EZH2: variants seen among roughly 807,000 people sequenced by gnomAD.
EZH2 encodes histone-lysine N-methyltransferase EZH2.
EZH2 carries 18 observed loss-of-function variants against 98.4 expected under a neutral mutation model. The ratio of observed to expected loss-of-function variants is 0.18; its 90% confidence interval spans 0.13 to 0.27. The LOEUF (loss-of-function observed/expected upper bound fraction) is 0.27, where lower values mean the gene tolerates loss of function less well. Among genes scored for constraint, EZH2 ranks in the 10% least tolerant of loss-of-function variants. EZH2 has a pLI of 1.00. For missense variants in EZH2, 470 were observed against 935.1 expected (o/e 0.50, Z 6.49); for synonymous variants, 338 against 312.3 (o/e 1.08, Z -0.87).
intron 1 of EZH2, among the ~76,000 whole-genome samples, chr7:148,873,038 C>A (rs1422600500): frequency 1.3e-5 from 2 of 152,062 alleles, no homozygotes; most frequent in African/African-American, 4.8e-5. Context: ...AAAAAATTAG[C>A]CAGACATCGT....
intron 19 of EZH2, 24 bp from the exon 20 acceptor site, chr7:148,807,730 C>T (rs1180572293): frequency 6.4e-7 from 1 of 1,559,372 alleles, no homozygotes; most frequent in Non-Finnish European, 8.7e-7. Flanking sequence ...AAGGAGATGT[C>T]CGCTGGATGG....
intron 16 of EZH2, among the ~76,000 whole-genome samples, chr7:148,810,740 G>A (rs780903933): frequency 3.9e-5 from 6 of 152,108 alleles, no homozygotes; most frequent in East Asian, 3.9e-4. Flanking sequence ...AGGCCGAGGC[G>A]GGCAGATCAC....
At chr7:148,828,063 A>C (rs1357553280) in intron 6 of EZH2, among the ~76,000 whole-genome samples, 1 of 152,260 alleles carries the variant, frequency 6.6e-6, no homozygotes, top group African/African-American at 2.4e-5. Flanking sequence ...GCTTGCAGTA[A>C]GCTGAGATGG....
At chr7:148,858,067 C>G (rs1373573121) in intron 1 of EZH2, among the ~76,000 whole-genome samples, 1 of 151,338 alleles carries the variant, frequency 6.6e-6, no homozygotes, top group Non-Finnish European at 1.5e-5. Flanking sequence ...CCAAGGCAGG[C>G]AGATCACGAG....
chr7:148,848,768 G>C (rs1814877473), intron 1 of EZH2, among the ~76,000 whole-genome samples: 1 of 152,132 alleles, frequency 6.6e-6, no homozygotes, highest in Non-Finnish European at 1.5e-5. Flanking sequence ...CTAAGACAAA[G>C]GGAAAAATAT....
intron 12 of EZH2, 74 bp from the exon 13 acceptor site, chr7:148,815,620 GATCT>G: frequency 7.7e-7 from 1 of 1,293,204 alleles, no homozygotes; most frequent in South Asian, 1.2e-5. Context: ...TGCTTAACTG[GATCT>G]ATCTGTGCCA....
intron 9 of EZH2, among the ~76,000 whole-genome samples, chr7:148,818,578 A>C (rs1805197481): frequency 6.6e-6 from 1 of 152,190 alleles, no homozygotes; most frequent in Non-Finnish European, 1.5e-5. Context: ...CTTCGTGTTA[A>C]TATTTCAACT....
chr7:148,828,755 C>T lies in EZH2; in HGVS notation c.610G>A (p.Glu204Lys). 1 of 1,613,638 alleles carries T rather than the reference C, an allele frequency of 6.2e-7. No homozygotes were observed. Among genetic ancestry groups the T allele is most frequent in the Non-Finnish European group, 8.5e-7 (1 of 1,179,952 alleles). The change falls in exon 6 of 20, where the codon GAG becomes AAG. Residue 204 changes from glutamate to lysine, a missense_variant. Glu to Lys is a moderately conservative substitution (Grantham distance 56, BLOSUM62 1). Around this residue, in one of 6 missense-constraint regions of EZH2, gnomAD observed 69 missense variants for 78.3 expected, o/e 0.88. Coordinates refer to ENST00000320356, the MANE Select transcript of EZH2 (RefSeq NM_004456.5). ...EEREEKQKDL[E>K]DHRDDKESRP... ...TCAGGCATACCATCTCGGTGATCCT[C>T]CAGATCTTTCTGCTTTTCTTCTCTT...
At chr7:148,818,405 G>C (rs1805152639) in intron 9 of EZH2, among the ~76,000 whole-genome samples, 2 of 152,120 alleles carry the variant, frequency 1.3e-5, no homozygotes, top group Admixed American at 1.3e-4. Context: ...TTATAATTAA[G>C]TTAAAATATA....
In EZH2 at chr7:148,817,522, C is replaced by T; in HGVS notation, c.1241-131G>A. ...AAATCCAATCGGCAAAACACTAACC[C>T]ATCGTAGTTCACATTTTCCAACAAA... On this transcript the variant is annotated intron_variant, in intron 10 of 19. Coordinates refer to ENST00000320356, the MANE Select transcript of EZH2 (RefSeq NM_004456.5). The T allele has an allele frequency of 7.1e-6, 6 of 844,358 alleles. No homozygotes were observed. The South Asian group carries it at 1.1e-4, about 16-fold the overall frequency. The allele number at this position is 844,358 out of a possible 1,614,324, so 52.3% of individuals were successfully genotyped here. A position where few individuals can be genotyped will look rare whatever the true frequency, so the allele number is the denominator to read the frequency against.
At chr7:148,839,984 A>G (rs1341866447) in intron 3 of EZH2, among the ~76,000 whole-genome samples, 1 of 152,252 alleles carries the variant, frequency 6.6e-6, no homozygotes, top group Non-Finnish European at 1.5e-5. Flanking sequence ...TCACTGAATA[A>G]TTAAGACACG....
intron 15 of EZH2, among the ~76,000 whole-genome samples, chr7:148,813,735 T>C (rs1803812387): frequency 6.6e-6 from 1 of 152,100 alleles, no homozygotes; most frequent in East Asian, 1.9e-4. Flanking sequence ...TTCTCAGAAT[T>C]TGCTGGTTTC....
rs1252816544 is a variant in EZH2, at chr7:148,832,768, A to G, written c.247-18T>C. On this transcript the variant is annotated intron_variant, in intron 3 of 19. Transcript: ENST00000320356. ...ACCGAACACTAAAACAGAAAAAATA[A>G]AATTGACTCTTAAGAATAAAAGGAC... The G allele has an allele frequency of 6.7e-6, 10 of 1,485,702 alleles. No homozygotes were observed. The highest frequency in any genetic ancestry group is 9.3e-6 in the Non-Finnish European group (10 of 1,070,598). The allele number at this position is 1,485,702 out of a possible 1,614,324, so 92.0% of individuals were successfully genotyped here.
intron 1 of EZH2, chr7:148,875,878 G>A (rs578007662): frequency 5.9e-5 from 9 of 152,346 alleles, no homozygotes; most frequent in Non-Finnish European, 1.2e-4. Flanking sequence ...TTTACTACAA[G>A]TCAGGTGCCG....
intron 8 of EZH2, among the ~76,000 whole-genome samples, chr7:148,825,759 C>A (rs1283973797): frequency 6.6e-6 from 1 of 152,024 alleles, no homozygotes; most frequent in African/African-American, 2.4e-5. Context: ...ATAGGAAAAA[C>A]CAAACTATAA....
chr7:148,826,558 T>C lies in EZH2; in HGVS notation c.803A>G (p.Asn268Ser). The C allele has an allele frequency of 6.3e-7, 1 of 1,593,810 alleles. No individual in the cohort carries two copies. The highest frequency in any genetic ancestry group is 8.6e-7 in the Non-Finnish European group (1 of 1,167,650). Residue 268 changes from asparagine (N) to serine (S), a missense_variant, in exon 8 of 20, where the codon AAT (asparagine) becomes AGT (serine). By Grantham distance (46) the Asn-to-Ser change is conservative. This residue lies in a region of EZH2 where 192 missense variants were observed against 306.8 expected (regional missense o/e 0.63). Transcript: ENST00000320356. ...TTGCTCTCTCTGAACAGATTTAGCA[T>C]TTGGTCCATCTATGTTGGGGGTACA... ...PECTPNIDGP[N>S]AKSVQREQSL...
intron 1 of EZH2, among the ~76,000 whole-genome samples, chr7:148,861,579 T>C (rs1356310093): frequency 6.6e-6 from 1 of 152,132 alleles, no homozygotes; most frequent in Non-Finnish European, 1.5e-5. Flanking sequence ...TCTGCAGTTG[T>C]TGAATGCACA....
Position 148,828,824 on chromosome 7 carries a change from A to G in EZH2, c.541T>C (p.Tyr181His). 6.2e-7 allele frequency: 1 copy of G among 1,613,742 alleles called. No homozygotes were observed. Among genetic ancestry groups the G allele is most frequent in the Non-Finnish European group, 8.5e-7 (1 of 1,179,906 alleles). Residue 181 changes from tyrosine to histidine, a missense_variant, in exon 6 of 20, where the codon TAT becomes CAT. Coordinates refer to ENST00000320356, the MANE Select transcript of EZH2 (RefSeq NM_004456.5). The stretch of plus-strand genomic sequence containing the variant: ...TCATCATCATCGTCATCATCATTAT[A>G]TTGACCAAGGGCATTCACCAACTCC... The part of the protein sequence containing the change: ...FVELVNALGQ[Y>H]NDDDDDDDGD...
At chr7:148,871,485 T>C (rs1421075356) in intron 1 of EZH2, among the ~76,000 whole-genome samples, 1 of 147,130 alleles carries the variant, frequency 6.8e-6, no homozygotes, top group Non-Finnish European at 1.5e-5. Flanking sequence ...TCACTCATAC[T>C]CAAACCCCCA....
Sources: allele counts gnomAD v4.1 joint callset (sites outside exome capture counted in the v4.1 genomes callset), GRCh38; gene constraint gnomAD v4.1.1; regional missense constraint gnomAD v4.1.1; transcripts MANE v1.5; gene names NCBI Gene and HGNC (gene_info 2026-07-23, HGNC 2026-07-21).